Variants in PRIMPOL observed in about 807,000 individuals in gnomAD.
PRIMPOL encodes primase and DNA directed polymerase, also known as DNA-directed primase/polymerase protein.
PRIMPOL carries 54 observed loss-of-function variants against 63.6 expected under a neutral mutation model. The ratio of observed to expected loss-of-function variants is 0.85; its 90% CI spans 0.68 to 1.07. The LOEUF is 1.07. Among genes scored for constraint, PRIMPOL ranks in the 50% least tolerant of loss-of-function variants. PRIMPOL has a pLI of 0.00. For synonymous variants in PRIMPOL, 197 were observed against 220.2 expected (o/e 0.89, Z 0.93); for missense variants, 610 against 648.3 (o/e 0.94, Z 0.64).
At chr4:184,679,607 A>C (rs1489163591) in intron 8 of PRIMPOL, among the ~76,000 whole-genome samples, 1 of 152,184 alleles carries the variant, frequency 6.6e-6, no homozygotes, top group South Asian at 2.1e-4. Flanking sequence ...TTTCTCATCC[A>C]TGTTAGAAGG....
intron 6 of PRIMPOL, among the ~76,000 whole-genome samples, 190 bp from the exon 7 acceptor site, chr4:184,671,983 G>T (rs576920510): frequency 1.3e-5 from 2 of 152,030 alleles, no homozygotes; most frequent in African/African-American, 2.4e-5. Context: ...CTTGTGATCC[G>T]CCCGCCTCGG....
intron 5 of PRIMPOL, among the ~76,000 whole-genome samples, chr4:184,663,352 G>A (rs1748943784): frequency 6.6e-6 from 1 of 152,140 alleles, no homozygotes; most frequent in African/African-American, 2.4e-5. Flanking sequence ...GCCTAATTAT[G>A]TTTTTAGTAA....
At position 184,672,461 on chromosome 4, in the gene PRIMPOL, G is replaced by A. The variant is rs1752050907; in HGVS notation, c.844+1G>A. On this transcript the variant is annotated splice_donor_variant, in intron 7 of 13. Transcript: ENST00000314970. LOFTEE classifies it high-confidence loss of function. ...GAGAAGCATCTTTTTGTAGATCTCG[G>A]TAAGTAAGATTGACAGCTTTCTCCA... 2 of 1,598,880 alleles carry A rather than the reference G, an allele frequency of 1.3e-6. No homozygotes were observed. Among genetic ancestry groups the A allele is most frequent in the Non-Finnish European group, 1.7e-6 (2 of 1,173,224 alleles).
At chr4:184,670,359 T>C (rs1751239477) in intron 6 of PRIMPOL, among the ~76,000 whole-genome samples, 1 of 152,192 alleles carries the variant, frequency 6.6e-6, no homozygotes, top group Non-Finnish European at 1.5e-5. Flanking sequence ...AGTTTAGGTT[T>C]ATATGGCTTT....
In PRIMPOL at chr4:184,672,444, T is replaced by C; in HGVS notation, c.828T>C (p.His276=). The change falls in exon 7 of 14, where the codon CAT becomes CAC. Residue 276 remains histidine (H), a synonymous_variant. Transcript: ENST00000314970. The part of the protein sequence containing the change: ...LVVKNNMGEK[H]LFVDLGVYTR... ...TGAAGAATAACATGGGAGAGAAGCA[T>C]CTTTTTGTAGATCTCGGTAAGTAAG... The C allele has an allele frequency of 6.2e-7, 1 of 1,608,192 alleles. No homozygotes were observed.
intron 9 of PRIMPOL, among the ~76,000 whole-genome samples, 170 bp from the exon 10 acceptor site, chr4:184,685,239 A>G (rs1003256333): frequency 1.3e-5 from 2 of 152,214 alleles, no homozygotes; most frequent in African/African-American, 4.8e-5. Context: ...AGAGGTTTGA[A>G]TCTTACCTGC....
At chr4:184,679,642 G>A (rs1755064524) in intron 8 of PRIMPOL, among the ~76,000 whole-genome samples, 1 of 152,184 alleles carries the variant, frequency 6.6e-6, no homozygotes. Flanking sequence ...TCACAGACCA[G>A]TGGTCTGTGG....
At chr4:184,680,218 T>C (rs566285820) in intron 8 of PRIMPOL, among the ~76,000 whole-genome samples, 104 of 152,280 alleles carry the variant, frequency 6.8e-4, no homozygotes, top group Middle Eastern at 3.4e-3. Context: ...GAGACAGTCT[T>C]GCTCTGTGGC....
rs780626187 is a variant in PRIMPOL, at chr4:184,694,554, A to AACT, written c.1460_1462dup (p.Thr487dup). The stretch of plus-strand genomic sequence containing the variant: ...AGTTTACAACAGATGAAGCAGATGA[A>AACT]ACTAGGAGCAATGAAACCCAGAATC... On this transcript the variant is annotated inframe_insertion, in exon 14 of 14. Coordinates refer to ENST00000314970, the MANE Select transcript of PRIMPOL (RefSeq NM_152683.4). The AACT allele has an allele frequency of 1.2e-5, 19 of 1,613,588 alleles. No individual in the cohort carries two copies. The highest frequency in any genetic ancestry group is 1.6e-5 in the Non-Finnish European group (19 of 1,179,910).
At chr4:184,681,607 C>T in intron 8 of PRIMPOL, among the ~76,000 whole-genome samples, 1 of 151,890 alleles carries the variant, frequency 6.6e-6, no homozygotes, top group East Asian at 1.9e-4. Flanking sequence ...TGGAATCTCA[C>T]TCTGTCTCCC....
At position 184,657,218 on chromosome 4, in the gene PRIMPOL, A is replaced by T; in HGVS notation, c.78A>T (p.Ser26=). 1 of 1,613,888 alleles carries T rather than the reference A, an allele frequency of 6.2e-7. No homozygotes were observed. The highest frequency in any genetic ancestry group is 8.5e-7 in the Non-Finnish European group (1 of 1,179,910). The change falls in exon 3 of 14, where the codon TCA becomes TCT. Residue 26 remains serine (S), a synonymous_variant. Coordinates refer to ENST00000314970, the MANE Select transcript of PRIMPOL (RefSeq NM_152683.4). ...ASHYERKPLS[S]VYRPRLSKPE... ...ATTATGAGAGGAAACCGTTGTCCTC[A>T]GTGTATAGACCAAGATTGTCCAAGC... is the stretch of plus-strand genomic sequence containing the variant.
chr4:184,686,359 C>T (rs549670538), intron 11 of PRIMPOL, among the ~76,000 whole-genome samples: 49 of 152,120 alleles, frequency 3.2e-4, no homozygotes, highest in Admixed American at 1.6e-3. Flanking sequence ...GACTCTACGT[C>T]GAAAGTGCGC....
chr4:184,694,394 C>G (rs1042970311), intron 13 of PRIMPOL, 128 bp from the exon 14 acceptor site: 2 of 1,425,614 alleles, frequency 1.4e-6, no homozygotes, highest in African/African-American at 2.9e-5. Context: ...GACAGCATTC[C>G]TCCTGCATAT....
intron 5 of PRIMPOL, among the ~76,000 whole-genome samples, chr4:184,663,038 T>G (rs1397189961): frequency 6.8e-6 from 1 of 147,046 alleles, no homozygotes; most frequent in Non-Finnish European, 1.5e-5. Flanking sequence ...TTATTATTAT[T>G]ATTATTATTA....
intron 7 of PRIMPOL, among the ~76,000 whole-genome samples, chr4:184,673,834 CTGAAA>C (rs1752581033): frequency 6.6e-6 from 1 of 152,150 alleles, no homozygotes; most frequent in Non-Finnish European, 1.5e-5. Context: ...AACAGTGGTA[CTGAAA>C]TGAGGGACGT....
intron 5 of PRIMPOL, among the ~76,000 whole-genome samples, chr4:184,665,501 A>G (rs1167049373): frequency 2.1e-5 from 3 of 143,654 alleles, no homozygotes; most frequent in Non-Finnish European, 4.5e-5. Context: ...TGAATTAATG[A>G]CTTTTTTTTT....
chr4:184,694,694 A>C lies in PRIMPOL; in HGVS notation c.1598A>C (p.Glu533Ala). The change falls in exon 14 of 14, where the codon GAA (glutamate) becomes GCA (alanine). Residue 533 changes from glutamate to alanine, a missense_variant. Physicochemically the swap from Glu to Ala is moderately radical, Grantham distance 107. Coordinates refer to ENST00000314970, the MANE Select transcript of PRIMPOL (RefSeq NM_152683.4). ...LEATEDAELA[E>A]AAENSLLSYN... ...GCTACTGAAGATGCTGAATTAGCTG[A>C]AGCTGCAGAGAACAGTCTTCTCAGT... 1 of 1,613,846 alleles carries C rather than the reference A, an allele frequency of 6.2e-7. No homozygotes were observed.
chr4:184,689,047 AT>A (rs1757745897), intron 11 of PRIMPOL, among the ~76,000 whole-genome samples: 1 of 149,414 alleles, frequency 6.7e-6, no homozygotes, highest in South Asian at 2.1e-4. Context: ...TATACTCTCC[AT>A]TTTTTCATTT....
intron 6 of PRIMPOL, among the ~76,000 whole-genome samples, chr4:184,671,656 C>T (rs952665510): frequency 6.6e-6 from 1 of 151,776 alleles, no homozygotes; most frequent in Non-Finnish European, 1.5e-5. Flanking sequence ...ACACCAGGCT[C>T]CCAAGTCAAT....
Sources: gnomAD v4.1 joint callset for allele counts (sites outside exome capture counted in the v4.1 genomes callset) on GRCh38, gnomAD v4.1.1 for gene constraint, MANE v1.5 for transcripts, NCBI Gene and HGNC (gene_info 2026-07-23, HGNC 2026-07-21) for gene names.